Variants in RNGTT observed in about 807,000 individuals in gnomAD.
RNGTT encodes RNA guanylyltransferase and 5'-phosphatase.
RNGTT carries 33 observed loss-of-function variants against 79.3 expected under a neutral mutation model. The observed-to-expected ratio is 0.42, with a 90% CI of 0.32 to 0.56. The LOEUF is 0.56. Ranked by LOEUF, RNGTT falls within the 20% of genes least tolerant of loss-of-function variation. RNGTT has a pLI of 0.17. For synonymous variants in RNGTT, 222 were observed against 235.9 expected, an observed-to-expected ratio of 0.94 and a Z score of 0.54; for missense variants, 497 against 739.1, an observed-to-expected ratio of 0.67 and a Z score of 3.80.
intron 11 of RNGTT, among the ~76,000 whole-genome samples, chr6:88,807,824 G>A (rs1482978903): frequency 6.6e-6 from 1 of 151,632 alleles, no homozygotes; most frequent in Non-Finnish European, 1.5e-5. Context: ...AAGATTACAG[G>A]CAGAGGAACA....
intron 13 of RNGTT, among the ~76,000 whole-genome samples, chr6:88,763,727 G>A (rs986659580): frequency 3.3e-5 from 5 of 152,146 alleles, no homozygotes; most frequent in Non-Finnish European, 7.3e-5. Context: ...AGAGCCCATT[G>A]CCTAAGTAAG....
At chr6:88,683,757 G>A (rs1775174707) in intron 13 of RNGTT, among the ~76,000 whole-genome samples, 2 of 152,278 alleles carry the variant, frequency 1.3e-5, no homozygotes, top group South Asian at 4.1e-4. Flanking sequence ...GCTCATGCCT[G>A]TAATCCCAGC....
intron 4 of RNGTT, among the ~76,000 whole-genome samples, chr6:88,914,553 G>A (rs533047669): frequency 4.6e-5 from 7 of 152,086 alleles, no homozygotes; most frequent in Non-Finnish European, 1.0e-4. Context: ...CTCCCTATTC[G>A]ATAAAGTGTG....
chr6:88,778,572 C>A (rs1218150199), intron 12 of RNGTT, among the ~76,000 whole-genome samples: 1 of 152,122 alleles, frequency 6.6e-6, no homozygotes, highest in African/African-American at 2.4e-5. Context: ...AGCACTGCAG[C>A]CTTGAACTCC....
At chr6:88,765,335 T>A (rs1458787830) in intron 13 of RNGTT, among the ~76,000 whole-genome samples, 2 of 152,184 alleles carry the variant, frequency 1.3e-5, no homozygotes, top group Non-Finnish European at 2.9e-5. Context: ...TACAGAGTTA[T>A]GTTTTTAATC....
At chr6:88,844,821 C>T (rs1014028220) in intron 10 of RNGTT, among the ~76,000 whole-genome samples, 6 of 152,048 alleles carry the variant, frequency 3.9e-5, no homozygotes, top group Admixed American at 3.3e-4. Flanking sequence ...GGTGTGGTGG[C>T]TCACACCTGT....
intron 12 of RNGTT, among the ~76,000 whole-genome samples, chr6:88,788,059 AAG>A (rs1779289234): frequency 6.6e-6 from 1 of 152,234 alleles, no homozygotes; most frequent in East Asian, 1.9e-4. Context: ...GAAAAATCAT[AAG>A]TCAAACCATC....
At chr6:88,831,540 T>C (rs1480798461) in intron 11 of RNGTT, among the ~76,000 whole-genome samples, 2 of 152,200 alleles carry the variant, frequency 1.3e-5, no homozygotes, top group Admixed American at 6.5e-5. Context: ...AAGGCAAGGA[T>C]GCCCTCTCTT....
At chr6:88,875,999 A>G (rs990037662) in intron 8 of RNGTT, among the ~76,000 whole-genome samples, 1 of 152,198 alleles carries the variant, frequency 6.6e-6, no homozygotes, top group Admixed American at 6.5e-5. Context: ...CTAGCAAGGT[A>G]TATCAAGGAC....
At chr6:88,909,172 G>A (rs143477085) in intron 4 of RNGTT, among the ~76,000 whole-genome samples, 3 of 152,362 alleles carry the variant, frequency 2.0e-5, no homozygotes, top group African/African-American at 4.8e-5. Flanking sequence ...AGGAAGCTCC[G>A]TGGCTTGGAG....
At chr6:88,631,776 G>A (rs570491131) in intron 14 of RNGTT, among the ~76,000 whole-genome samples, 34 of 152,110 alleles carry the variant, frequency 2.2e-4, no homozygotes, top group African/African-American at 7.2e-4. Context: ...AAAAGCATCC[G>A]TCAGGAACCA....
In RNGTT at chr6:88,883,891, TATAGCCCTTAAAC is replaced by T. The variant is rs535434807; in HGVS notation, c.896+6591_896+6603del. 1.3e-3 allele frequency among the ~76,000 whole-genome samples: 193 copies of T among 152,200 alleles called. 3 individuals carry two copies. Among genetic ancestry groups the T allele is most frequent in the African/African-American group, 4.4e-3 (184 of 41,530 alleles). ...ACAGATAATTCACAAAAAAGATAAG[TATAGCCCTTAAAC>T]ATATGAGAGGATGTTTGACTCCATT... On this transcript the variant is annotated intron_variant, in intron 8 of 15. Coordinates refer to ENST00000369485, the MANE Select transcript of RNGTT (RefSeq NM_003800.5).
chr6:88,916,355 C>T (rs544496646), intron 4 of RNGTT, among the ~76,000 whole-genome samples: 1 of 152,104 alleles, frequency 6.6e-6, no homozygotes, highest in African/African-American at 2.4e-5. Flanking sequence ...TGCCTGTAGT[C>T]CCAGCTACTA....
At chr6:88,645,414 AATGGCCATACTGCCCAAAGT>A (rs1361993276) in intron 14 of RNGTT, among the ~76,000 whole-genome samples, 1 of 152,206 alleles carries the variant, frequency 6.6e-6, no homozygotes, top group Non-Finnish European at 1.5e-5. Flanking sequence ...ATATCGTGAA[AATGGCCATACTGCCCAAAGT>A]AATTTATAGA....
At chr6:88,890,992 A>G (rs1783031966) in intron 7 of RNGTT, among the ~76,000 whole-genome samples, 1 of 152,202 alleles carries the variant, frequency 6.6e-6, no homozygotes, top group East Asian at 1.9e-4. Context: ...ACTTGACATA[A>G]CTGCAAGGTT....
chr6:88,934,165 T>C, intron 2 of RNGTT, among the ~76,000 whole-genome samples: 1 of 152,072 alleles, frequency 6.6e-6, no homozygotes, highest in Non-Finnish European at 1.5e-5. Flanking sequence ...CCTGAGTAGG[T>C]AAGATGGCAG....
intron 12 of RNGTT, among the ~76,000 whole-genome samples, chr6:88,785,328 C>T (rs1324256100): frequency 6.6e-6 from 1 of 151,938 alleles, no homozygotes; most frequent in Non-Finnish European, 1.5e-5. Flanking sequence ...CTATATCTAG[C>T]TGAGACTGAT....
chr6:88,781,231 C>T (rs180852210), intron 12 of RNGTT, among the ~76,000 whole-genome samples: 2 of 152,244 alleles, frequency 1.3e-5, no homozygotes, highest in Admixed American at 1.3e-4. Context: ...TGTAAAAATG[C>T]AATAATAGCA....
chr6:88,898,566 T>C (rs376779712), intron 6 of RNGTT, among the ~76,000 whole-genome samples: 2 of 151,728 alleles, frequency 1.3e-5, no homozygotes, highest in Non-Finnish European at 2.9e-5. Context: ...CTTTCTCAAA[T>C]AGAAAAATTT....
Sources: allele counts gnomAD v4.1 joint callset (sites outside exome capture counted in the v4.1 genomes callset), GRCh38; gene constraint gnomAD v4.1.1; transcripts MANE v1.5; gene names NCBI Gene and HGNC (gene_info 2026-07-23, HGNC 2026-07-21).